MACROD2: variants seen among roughly 807,000 people sequenced by gnomAD.
MACROD2 encodes mono-ADP ribosylhydrolase 2, also known as ADP-ribose glycohydrolase MACROD2.
Under a neutral mutation model 70.4 loss-of-function variants are expected in MACROD2, and 36 were observed. The observed-to-expected ratio is 0.51, with a 90% CI of 0.39 to 0.68. MACROD2 has a LOEUF of 0.68. MACROD2 is among the 30% of genes least tolerant of loss of function. The pLI, the probability that MACROD2 is intolerant of heterozygous loss-of-function variation, is 0.00. For synonymous variants in MACROD2, 172 were observed against 178.8 expected (o/e 0.96, Z 0.30); for missense variants, 496 against 538.4 (o/e 0.92, Z 0.78).
chr20:14,146,052 G>C (rs2054938537), intron 3 of MACROD2, among the ~76,000 whole-genome samples: 2 of 152,212 alleles, frequency 1.3e-5, no homozygotes, highest in South Asian at 4.1e-4. Context: ...GCCAGGCGCG[G>C]TGGCTCACGC....
chr20:15,489,792 A>C (rs1351780113), intron 7 of MACROD2, among the ~76,000 whole-genome samples: 1 of 152,118 alleles, frequency 6.6e-6, no homozygotes, highest in Non-Finnish European at 1.5e-5. Flanking sequence ...GACCAACAAC[A>C]TGCCAGGTTC....
chr20:15,791,001 T>G (rs1010579249), intron 8 of MACROD2, among the ~76,000 whole-genome samples: 1 of 151,982 alleles, frequency 6.6e-6, no homozygotes, highest in Non-Finnish European at 1.5e-5. Flanking sequence ...AACTGTTGTG[T>G]ACATGTCTTT....
chr20:14,053,927 T>C (rs2053603031), intron 2 of MACROD2, among the ~76,000 whole-genome samples: 1 of 152,144 alleles, frequency 6.6e-6, no homozygotes, highest in South Asian at 2.1e-4. Context: ...TTCTATTAAA[T>C]GTTGAGCTTG....
intron 8 of MACROD2, among the ~76,000 whole-genome samples, chr20:15,681,345 G>A (rs1429279457): frequency 6.6e-6 from 1 of 152,166 alleles, no homozygotes; most frequent in Non-Finnish European, 1.5e-5. Flanking sequence ...AGTATAAATT[G>A]CTATTCAAAA....
chr20:14,269,356 T>G (rs1369294259), intron 3 of MACROD2, among the ~76,000 whole-genome samples: 2 of 152,200 alleles, frequency 1.3e-5, no homozygotes. Context: ...TATCTGTCAT[T>G]TCAGAATTGA....
At chr20:15,138,164 A>G (rs186570772) in intron 5 of MACROD2, among the ~76,000 whole-genome samples, 11 of 152,132 alleles carry the variant, frequency 7.2e-5, no homozygotes, top group African/African-American at 1.2e-4. Context: ...ATGTATATTC[A>G]CTATTAATAC....
intron 7 of MACROD2, among the ~76,000 whole-genome samples, chr20:15,456,331 A>G (rs555491345): frequency 1.3e-5 from 2 of 152,256 alleles, no homozygotes; most frequent in African/African-American, 4.8e-5. Context: ...TGCAGATGCT[A>G]TCTCTTCCAC....
intron 5 of MACROD2, among the ~76,000 whole-genome samples, chr20:15,217,395 T>C (rs1444694141): frequency 6.6e-6 from 1 of 152,184 alleles, no homozygotes; most frequent in Non-Finnish European, 1.5e-5. Flanking sequence ...GATATTATCC[T>C]ATTTTTTAGA....
chr20:14,758,106 T>TAA (rs368463170), intron 5 of MACROD2: 48 of 280,532 alleles, frequency 1.7e-4, no homozygotes, highest in South Asian at 2.4e-4. Context: ...CAAAAAAGCT[T>TAA]AAAAAAAAAA....
chr20:14,677,715 C>G (rs1416808942), intron 4 of MACROD2, among the ~76,000 whole-genome samples: 1 of 152,152 alleles, frequency 6.6e-6, no homozygotes, highest in Non-Finnish European at 1.5e-5. Flanking sequence ...TAATAAGTCT[C>G]TGTTTTAATC....
chr20:15,380,576 C>T (rs1260203059), intron 6 of MACROD2, among the ~76,000 whole-genome samples: 2 of 151,978 alleles, frequency 1.3e-5, no homozygotes, highest in African/African-American at 2.4e-5. Flanking sequence ...ATTATCTATG[C>T]TCTTCAGGTA....
At chr20:14,804,170 CCAAATACAATTA>C (rs1188722727) in intron 5 of MACROD2, among the ~76,000 whole-genome samples, 1 of 152,048 alleles carries the variant, frequency 6.6e-6, no homozygotes, top group Non-Finnish European at 1.5e-5. Flanking sequence ...CATTCAAAAA[CCAAATACAATTA>C]CATTTTGCCA....
At chr20:15,930,279 C>G (rs748239519) in intron 10 of MACROD2, among the ~76,000 whole-genome samples, 1 of 152,150 alleles carries the variant, frequency 6.6e-6, no homozygotes. Flanking sequence ...CAAAGACTTA[C>G]GGGTAACTGT....
chr20:14,002,410 T>C lies in MACROD2; in HGVS notation c.163+6T>C. The C allele has an allele frequency of 6.4e-7, 1 of 1,553,690 alleles. No homozygotes were observed. Among genetic ancestry groups the C allele is most frequent in the African/African-American group, 1.4e-5 (1 of 72,724 alleles). ...GGGCAAGGGCCAAAATGATGGTAAG[T>C]TTCTCGGAACATTTTTTAGGTAGAT... On this transcript the variant is annotated splice_donor_region_variant and intron_variant, in intron 2 of 17. Coordinates refer to ENST00000684519, the MANE Select transcript of MACROD2 (RefSeq NM_001351661.2).
chr20:15,145,954 A>T lies in MACROD2; in HGVS notation c.419-83986A>T, dbSNP rs192272606. ...AATAAATGCTTTCAGGCATAAACATATTAATAGTATAAATATGTACAAATA... is the reference window on the plus strand; with the variant it reads ...AATAAATGCTTTCAGGCATAAACATTTTAATAGTATAAATATGTACAAATA... On this transcript the variant is annotated intron_variant, in intron 5 of 17. Transcript: ENST00000684519. Among the ~76,000 whole-genome samples the T allele has an allele frequency of 3.3e-5, 5 of 152,236 alleles. No individual in the cohort carries two copies. The East Asian group carries it at 7.7e-4, about 23-fold the overall frequency.
chr20:15,417,711 T>C (rs1242266549), intron 6 of MACROD2, among the ~76,000 whole-genome samples: 4 of 151,948 alleles, frequency 2.6e-5, no homozygotes, highest in African/African-American at 9.7e-5. Flanking sequence ...ATGCAAATTC[T>C]TGGGCTCCAC....
At chr20:15,559,884 A>C (rs1420019345) in intron 8 of MACROD2, among the ~76,000 whole-genome samples, 2 of 152,244 alleles carry the variant, frequency 1.3e-5, no homozygotes, top group Non-Finnish European at 2.9e-5. Context: ...TACATTTTGC[A>C]ATCCAGTCTT....
At chr20:15,746,338 G>T (rs1277859049) in intron 8 of MACROD2, among the ~76,000 whole-genome samples, 5 of 151,454 alleles carry the variant, frequency 3.3e-5, no homozygotes, top group African/African-American at 1.2e-4. Context: ...TATTGATTTT[G>T]TACAAGTTTT....
intron 8 of MACROD2, among the ~76,000 whole-genome samples, chr20:15,744,693 TACACACAC>T (rs11467530): frequency 0.033 from 4,840 of 148,262 alleles, 164 homozygotes; most frequent in African/African-American, 0.09. Flanking sequence ...AAACCAAGTA[TACACACAC>T]ACACACACAC....
Sources: allele counts gnomAD v4.1 joint callset (sites outside exome capture counted in the v4.1 genomes callset), GRCh38; gene constraint gnomAD v4.1.1; transcripts MANE v1.5; gene names NCBI Gene and HGNC (gene_info 2026-07-23, HGNC 2026-07-21).